The following STK32C variants were observed in gnomAD, a reference collection of about 807,000 sequenced individuals.
STK32C encodes serine/threonine kinase 32C.
Under a neutral mutation model 56.5 loss-of-function variants are expected in STK32C, and 31 were observed. The ratio of observed to expected loss-of-function variants is 0.55; its 90% CI spans 0.41 to 0.74. The LOEUF is 0.74. STK32C is among the 30% of genes least tolerant of loss of function. STK32C has a pLI of 0.00. For synonymous variants in STK32C, 309 were observed against 289.4 expected (o/e 1.07, Z -0.69); for missense variants, 544 against 676.9 (o/e 0.80, Z 2.18).
chr10:132,230,679 C>CGGGGGGG, intron 2 of STK32C, among the ~76,000 whole-genome samples: 2 of 49,680 alleles, frequency 4.0e-5, no homozygotes, highest in South Asian at 1.7e-3. Context: ...GGGAAGCTGG[C>CGGGGGGG]GGGGGGGGGG....
intron 1 of STK32C, among the ~76,000 whole-genome samples, chr10:132,260,960 C>T (rs746951160): frequency 3.1e-4 from 47 of 152,380 alleles, no homozygotes; most frequent in Non-Finnish European, 6.6e-4. Flanking sequence ...AGGCCCCTAG[C>T]CCACAGAGCT....
At chr10:132,307,969 C>A (rs2066133370), upstream of STK32C, 1 of 970,036 alleles carries the variant, frequency 1.0e-6, no homozygotes, top group East Asian at 1.3e-4. The surrounding 1 kb of genome is among the most constrained non-coding windows in gnomAD (Gnocchi z 4.4). Flanking sequence ...GAACCCGCCC[C>A]GTAGATTGCG....
At chr10:132,262,535 G>C (rs147481184) in intron 1 of STK32C, among the ~76,000 whole-genome samples, 1 of 152,034 alleles carries the variant, frequency 6.6e-6, no homozygotes, top group Non-Finnish European at 1.5e-5. Flanking sequence ...CACAAACTAC[G>C]CATCTGACAA....
intron 1 of STK32C, among the ~76,000 whole-genome samples, chr10:132,248,789 C>T (rs2063780132): frequency 6.6e-6 from 1 of 152,186 alleles, no homozygotes; most frequent in Non-Finnish European, 1.5e-5. Flanking sequence ...TGGGCACGTG[C>T]TCTGGCGGCC....
chr10:132,255,308 C>A lies in STK32C; in HGVS notation c.263-9353G>T, dbSNP rs540790693. On this transcript the variant is annotated intron_variant, in intron 1 of 11. Transcript: ENST00000298630. This position sits in a 1 kb window ranked among gnomAD's most constrained non-coding sequence, Gnocchi z 4.6. ...CCGGGCCAGGTGGAAGAGTTGGAAC[C>A]GGCCCGATAGCTCCTCCTGGCAATG... Among the ~76,000 whole-genome samples, 1 of 152,264 alleles carries A rather than the reference C, an allele frequency of 6.6e-6. No individual in the cohort carries two copies. The highest frequency in any genetic ancestry group is 6.5e-5 in the Admixed American group (1 of 15,298).
At chr10:132,331,376 C>T (rs1336250446) in intron 1 of STK32C, 5 of 1,529,422 alleles carry the variant, frequency 3.3e-6, no homozygotes, top group Non-Finnish European at 3.5e-6. Context: ...CACCTCCCCT[C>T]CCGCCCGGTG....
At chr10:132,214,108 C>T (rs1452554853) in intron 10 of STK32C, among the ~76,000 whole-genome samples, 3 of 148,672 alleles carry the variant, frequency 2.0e-5, no homozygotes, top group Non-Finnish European at 4.4e-5. Flanking sequence ...ATAATAATGA[C>T]TGGGAATTTT....
At chr10:132,242,186 T>C (rs2063525406) in intron 2 of STK32C, among the ~76,000 whole-genome samples, 1 of 151,514 alleles carries the variant, frequency 6.6e-6, no homozygotes, top group Non-Finnish European at 1.5e-5. Flanking sequence ...AATGAGGCAG[T>C]GCTGGGTGCA....
chr10:132,232,345 C>T (rs1421563508), intron 2 of STK32C, among the ~76,000 whole-genome samples: 9 of 152,146 alleles, frequency 5.9e-5, no homozygotes, highest in South Asian at 2.1e-4. Flanking sequence ...TAGGTGAAGA[C>T]AACAGAGAAG....
At chr10:132,317,835 G>A (rs369025554) in intron 1 of STK32C, among the ~76,000 whole-genome samples, 74 of 151,994 alleles carry the variant, frequency 4.9e-4, no homozygotes, top group African/African-American at 1.3e-3. Context: ...AAAATTAGCC[G>A]GGCATGGTGG....
intron 1 of STK32C, among the ~76,000 whole-genome samples, chr10:132,275,940 C>G (rs1200704503): frequency 1.3e-5 from 2 of 152,166 alleles, no homozygotes; most frequent in African/African-American, 4.8e-5. Flanking sequence ...AACCTCAGCC[C>G]CCCACCCCGC....
At chr10:132,247,046 G>A (rs1411897120) in intron 1 of STK32C, among the ~76,000 whole-genome samples, 1 of 152,178 alleles carries the variant, frequency 6.6e-6, no homozygotes, top group Non-Finnish European at 1.5e-5. Context: ...TGGGGAATTC[G>A]ACAGCTGGAA....
chr10:132,323,402 C>T (rs546218494), downstream of STK32C, among the ~76,000 whole-genome samples: 168 of 152,330 alleles, frequency 1.1e-3, no homozygotes, highest in African/African-American at 4.0e-3. The surrounding 1 kb of genome is among the most constrained non-coding windows in gnomAD (Gnocchi z 4.8). Context: ...CCATCCCTAG[C>T]GTTCTCACTG....
chr10:132,208,994 C>T (rs2062198619), intron 11 of STK32C, 40 bp downstream of exon 11: 3 of 1,597,100 alleles, frequency 1.9e-6, no homozygotes, highest in Admixed American at 1.7e-5. Context: ...CCATTTTCCT[C>T]CTCTCTGCCA....
intron 1 of STK32C, among the ~76,000 whole-genome samples, chr10:132,247,311 C>A (rs908081063): frequency 6.6e-6 from 1 of 152,186 alleles, no homozygotes; most frequent in Non-Finnish European, 1.5e-5. Flanking sequence ...CTGGAAAATG[C>A]CCACTCCCTT....
intron 10 of STK32C, among the ~76,000 whole-genome samples, chr10:132,219,076 G>A (rs182097824): frequency 6.6e-6 from 1 of 152,306 alleles, no homozygotes; most frequent in Admixed American, 6.5e-5. Flanking sequence ...CTGCTAATAG[G>A]TGGGGTCTTT....
At chr10:132,331,747 T>A (rs541935776) in exon 1 of STK32C, 1 of 1,611,638 alleles carries the variant, frequency 6.2e-7, no homozygotes, top group East Asian at 2.2e-5. Context: ...CCCGCTCTCT[T>A]CCTTCCCCTC....
intron 1 of STK32C, among the ~76,000 whole-genome samples, chr10:132,257,972 T>G (rs1450211480): frequency 6.6e-6 from 1 of 152,180 alleles, no homozygotes; most frequent in Non-Finnish European, 1.5e-5. Context: ...CTCTCCTCAG[T>G]GCACGGACTC....
chr10:132,237,315 G>C (rs1356658955), intron 2 of STK32C, among the ~76,000 whole-genome samples: 1 of 152,250 alleles, frequency 6.6e-6, no homozygotes, highest in Non-Finnish European at 1.5e-5. Flanking sequence ...TCTGGCCTCA[G>C]CTTCCTTGCA....
Sources: gnomAD v4.1 joint callset for allele counts (sites outside exome capture counted in the v4.1 genomes callset) on GRCh38, gnomAD v4.1.1 for gene constraint, Gnocchi (gnomAD v3.1) non-coding constraint, MANE v1.5 for transcripts, NCBI Gene and HGNC (gene_info 2026-07-23, HGNC 2026-07-21) for gene names.